Variants in NEB observed in about 807,000 individuals in gnomAD.
The protein encoded by NEB is nemaline myopathy type 2.
In NEB, 512 loss-of-function variants were observed where a neutral mutation model predicts 952.2. The observed-to-expected ratio is 0.54, with a 90% CI of 0.50 to 0.58. NEB has a LOEUF of 0.58. Among genes scored for constraint, NEB ranks in the 20% least tolerant of loss-of-function variants. The probability of loss-of-function intolerance (pLI) is 0.00; values close to 1 mark genes in which losing one functional copy is unlikely to be tolerated. For synonymous variants in NEB, 2,900 were observed against 3,149.8 expected (o/e 0.92, Z 2.66); for missense variants, 8,428 against 9,231.1 (o/e 0.91, Z 3.56).
intron 124 of NEB, among the ~76,000 whole-genome samples, chr2:151,559,027 C>A (rs548943007): frequency 6.6e-6 from 1 of 152,240 alleles, no homozygotes; most frequent in East Asian, 1.9e-4. Context: ...GAAAAAATTT[C>A]TGCAATCTAT....
chr2:151,508,089 A>G lies in NEB; in HGVS notation c.23367T>C (p.Ala7789=), dbSNP rs775312412. 2 of 1,606,262 alleles carry G rather than the reference A, an allele frequency of 1.2e-6. No homozygotes were observed. The highest frequency in any genetic ancestry group is 1.7e-6 in the Non-Finnish European group (2 of 1,175,164). Reference sequence around the variant, plus strand: ...TCTCATAATACGACATGGACTTCTCAGCATCTTCCTTGTACTTTTTCTGGG... The same window carrying G: ...TCTCATAATACGACATGGACTTCTCGGCATCTTCCTTGTACTTTTTCTGGG... ...LSSQKKYKED[A]EKSMSYYETV... is the part of the protein sequence containing the mutation. Residue 7789 remains alanine (A), a synonymous_variant, in exon 162 of 182, where the codon GCT becomes GCC. Coordinates refer to ENST00000397345, the MANE Select transcript of NEB (RefSeq NM_001164508.2).
At chr2:151,725,201 G>T (rs2099786802) in intron 6 of NEB, among the ~76,000 whole-genome samples, 1 of 152,194 alleles carries the variant, frequency 6.6e-6, no homozygotes, top group Non-Finnish European at 1.5e-5. Flanking sequence ...CTACAGTGTG[G>T]AGAACCACAG....
intron 71 of NEB, among the ~76,000 whole-genome samples, chr2:151,623,923 G>A (rs182517061): frequency 6.6e-6 from 1 of 152,120 alleles, no homozygotes; most frequent in African/African-American, 2.4e-5. Flanking sequence ...AAGATGCAGT[G>A]CTTCAAAGGA....
At chr2:151,705,259 C>T (rs918513277) in intron 13 of NEB, among the ~76,000 whole-genome samples, 2 of 152,062 alleles carry the variant, frequency 1.3e-5, no homozygotes, top group Non-Finnish European at 2.9e-5. Flanking sequence ...CAAGAAGAAG[C>T]AATGATTAGT....
intron 52 of NEB, among the ~76,000 whole-genome samples, chr2:151,653,749 A>G (rs118159416): frequency 6.6e-6 from 1 of 152,202 alleles, no homozygotes; most frequent in East Asian, 1.9e-4. Flanking sequence ...TAACATCTCC[A>G]AGTAGAGCAT....
At position 151,702,941 on chromosome 2, in the gene NEB, T is replaced by G. The variant is rs1234476942; in HGVS notation, c.1152+3940A>C. Among the ~76,000 whole-genome samples, 9 of 152,222 alleles carry G rather than the reference T, an allele frequency of 5.9e-5. No homozygotes were observed. In the East Asian group the frequency reaches 1.7e-3, roughly 29 times the overall value. On this transcript the variant is annotated intron_variant, in intron 13 of 181. Coordinates refer to ENST00000397345, the MANE Select transcript of NEB (RefSeq NM_001164508.2). ...TTAGCTTGCTCGTTAGTTGATGCAG[T>G]TTCTTCCTAGTCTCGATGGTCTTTA... is the stretch of plus-strand genomic sequence containing the variant.
chr2:151,526,339 T>A, intron 148 of NEB, 77 bp from the exon 149 acceptor site: 1 of 980,588 alleles, frequency 1.0e-6, no homozygotes, highest in Non-Finnish European at 1.6e-6. Flanking sequence ...CTCAAACCAG[T>A]AGAACAGCAG....
chr2:151,658,233 T>C (rs753467772), intron 47 of NEB, 143 bp from the exon 48 acceptor site: 6 of 613,214 alleles, frequency 9.8e-6, no homozygotes, highest in Non-Finnish European at 1.7e-5. Context: ...TGAATGTTCT[T>C]ACAAGTAACA....
chr2:151,627,787 T>A lies in NEB; in HGVS notation c.9879A>T (p.Gly3293=), dbSNP rs2098552565. ...TGGGGTCATCTTCAATGTTCCGGGCTCCAATGTGGTGGCCGAGCTGCTTGC... is the reference window on the plus strand; with the variant it reads ...TGGGGTCATCTTCAATGTTCCGGGCACCAATGTGGTGGCCGAGCTGCTTGC... ...GYRKQLGHHI[G]ARNIEDDPKM... Residue 3293 remains glycine, a synonymous_variant, in exon 69 of 182, where the codon GGA becomes GGT. Coordinates refer to ENST00000397345, the MANE Select transcript of NEB (RefSeq NM_001164508.2). The A allele has an allele frequency of 6.2e-7, 1 of 1,613,984 alleles. No homozygotes were observed. Among genetic ancestry groups the A allele is most frequent in the Non-Finnish European group, 8.5e-7 (1 of 1,179,876 alleles).
intron 145 of NEB, among the ~76,000 whole-genome samples, chr2:151,529,660 ACCT>A (rs1240578637): frequency 3.9e-5 from 6 of 151,900 alleles, no homozygotes; most frequent in Non-Finnish European, 7.4e-5. Flanking sequence ...CCTCCTGAGT[ACCT>A]GGGACCACAG....
chr2:151,672,969 G>A (rs1199149640), intron 36 of NEB, among the ~76,000 whole-genome samples: 1 of 152,150 alleles, frequency 6.6e-6, no homozygotes, highest in Non-Finnish European at 1.5e-5. Flanking sequence ...ATATGAACAT[G>A]ACACATTCTA....
intron 27 of NEB, among the ~76,000 whole-genome samples, chr2:151,686,272 G>A (rs1279199556): frequency 6.6e-6 from 1 of 152,184 alleles, no homozygotes; most frequent in Non-Finnish European, 1.5e-5. Flanking sequence ...TTCATATTCT[G>A]TGTCTGCAGC....
chr2:151,697,079 T>G (rs777756219), intron 16 of NEB, 69 bp downstream of exon 16: 179 of 1,215,866 alleles, frequency 1.5e-4, no homozygotes, highest in Non-Finnish European at 2.0e-4. Flanking sequence ...GTGGCAACAT[T>G]TTAAACATAT....
intron 138 of NEB, among the ~76,000 whole-genome samples, 169 bp downstream of exon 138, chr2:151,540,175 G>A (rs1403504535): frequency 5.3e-5 from 8 of 151,560 alleles, no homozygotes; most frequent in African/African-American, 1.9e-4. Flanking sequence ...CAGCTATTTT[G>A]CCTGACTAGT....
At chr2:151,698,874 T>G (rs1363394545) in intron 13 of NEB, among the ~76,000 whole-genome samples, 1 of 151,546 alleles carries the variant, frequency 6.6e-6, no homozygotes, top group African/African-American at 2.4e-5. Flanking sequence ...TCTTTTTTTT[T>G]TTTTTTAATT....
chr2:151,702,444 CT>C (rs1207601998), intron 13 of NEB, among the ~76,000 whole-genome samples: 2 of 152,138 alleles, frequency 1.3e-5, no homozygotes, highest in Non-Finnish European at 2.9e-5. Context: ...TCTCGTTGAT[CT>C]GTCTAATGTT....
intron 145 of NEB, chr2:151,530,625 C>A: frequency 5.6e-6 from 1 of 178,000 alleles, no homozygotes; most frequent in South Asian, 1.9e-4. Flanking sequence ...ATGTTTAAGC[C>A]ACGTGGAGAC....
chr2:151,490,419 T>G lies in NEB; in HGVS notation c.25250A>C (p.His8417Pro), dbSNP rs1302311497. The G allele has an allele frequency of 6.3e-7, 1 of 1,599,450 alleles. No individual in the cohort carries two copies. The highest frequency in any genetic ancestry group is 8.5e-7 in the Non-Finnish European group (1 of 1,172,632). ...EKSEHSEAPDHHLSTYSDGGV... is the reference protein window; with the variant it reads ...EKSEHSEAPDPHLSTYSDGGV... The stretch of plus-strand genomic sequence containing the variant: ...CCCGTCGCTGTAAGTCGAAAGGTGG[T>G]GGTCTGGTGCTTCTGAATGCTCAGA... The change falls in exon 180 of 182, where the codon CAC becomes CCC. Residue 8417 changes from histidine (H) to proline (P), a missense_variant. By Grantham distance (77) the His-to-Pro change is moderately conservative (BLOSUM62 -2). Around this residue, in one of 11 missense-constraint regions of NEB, gnomAD observed 3,374 missense variants for 3,651.5 expected, o/e 0.92. Transcript: ENST00000397345.
In NEB at chr2:151,694,389, T is replaced by C. The variant is rs2099580567; in HGVS notation, c.1830A>G (p.Gly610=). ...DYEKNKGKMI[G]VLSINDDPKM... ...TGGGATCGTCATTAATGCTGAGGAC[T>C]CCAATCATTTTCCCTTTGTTTTTTT... Residue 610 remains glycine (G), a synonymous_variant, in exon 20 of 182, where the codon GGA becomes GGG. Transcript: ENST00000397345. 6.2e-7 allele frequency: 1 copy of C among 1,613,990 alleles called. No individual in the cohort carries two copies.
Sources: allele counts gnomAD v4.1 joint callset (sites outside exome capture counted in the v4.1 genomes callset), GRCh38; gene constraint gnomAD v4.1.1; regional missense constraint gnomAD v4.1.1; transcripts MANE v1.5; gene names NCBI Gene and HGNC (gene_info 2026-07-23, HGNC 2026-07-21).